The following DNAH11 variants were observed in gnomAD, a reference collection of about 807,000 sequenced individuals.
DNAH11 encodes dynein axonemal heavy chain 11, also known as axonemal beta dynein heavy chain 11.
A neutral mutation model predicts 526.0 loss-of-function variants in DNAH11; 442 were observed. That is an observed-to-expected ratio of 0.84 (90% confidence interval 0.78 to 0.91). The LOEUF (loss-of-function observed/expected upper bound fraction) is 0.91. Ranked by LOEUF, DNAH11 falls within the 40% of genes least tolerant of loss-of-function variation. The pLI, the probability that DNAH11 is intolerant of heterozygous loss-of-function variation, is 0.00. For synonymous variants in DNAH11, 2,461 were observed against 1,935.9 expected (o/e 1.27, Z -7.12); for missense variants, 6,989 against 5,448.7 (o/e 1.28, Z -8.90).
At chr7:21,636,464 G>A (rs573152736) in intron 26 of DNAH11, among the ~76,000 whole-genome samples, 112 of 152,208 alleles carry the variant, frequency 7.4e-4, no homozygotes, top group Non-Finnish European at 1.5e-3. Context: ...GCTAGGCTCG[G>A]TGGCTCACAC....
intron 61 of DNAH11, among the ~76,000 whole-genome samples, chr7:21,800,780 G>T (rs1409596442): frequency 6.6e-6 from 1 of 152,180 alleles, no homozygotes; most frequent in East Asian, 1.9e-4. Context: ...CTTTAATAAA[G>T]CTGGTTGGAG....
In DNAH11 at chr7:21,714,935, A is replaced by T. The variant is rs1042772135; in HGVS notation, c.6984-2840A>T. On this transcript the variant is annotated intron_variant, in intron 42 of 81. Transcript: ENST00000409508. ...AACTTTAGATCATACTCTTTCTTCT[A>T]TTACTTGAGCTTAAAATATTCTTCT... Among the ~76,000 whole-genome samples, 140 of 152,280 alleles carry T rather than the reference A, an allele frequency of 9.2e-4. 1 individual carries two copies. The highest frequency in any genetic ancestry group is 3.3e-3 in the African/African-American group (137 of 41,560).
chr7:21,743,527 C>A (rs6461597), intron 49 of DNAH11, among the ~76,000 whole-genome samples: 1 of 151,932 alleles, frequency 6.6e-6, no homozygotes, highest in African/African-American at 2.4e-5. Context: ...TGATGAAATA[C>A]GAAAACTCCA....
chr7:21,807,913 C>T lies in DNAH11; in HGVS notation c.10196C>T (p.Ser3399Phe), dbSNP rs1020563832. ...ATTCGCTGGGGTCAATCCATTAAGT[C>T]CTTTGAAGCTCAAGAGAAGACACTC... The part of the protein sequence containing the change: ...KKIRWGQSIK[S>F]FEAQEKTLCG... The change falls in exon 63 of 82, where the codon TCC becomes TTC. Residue 3399 changes from serine (S) to phenylalanine (F), a missense_variant. Physicochemically the swap from Ser to Phe is radical, Grantham distance 155. Transcript: ENST00000409508. The T allele has an allele frequency of 1.9e-6, 3 of 1,607,008 alleles. No homozygotes were observed. Among genetic ancestry groups the T allele is most frequent in the Non-Finnish European group, 8.5e-7 (1 of 1,174,786 alleles).
chr7:21,706,923 C>G (rs557348094), intron 39 of DNAH11, among the ~76,000 whole-genome samples: 1 of 152,340 alleles, frequency 6.6e-6, no homozygotes, highest in South Asian at 2.1e-4. Flanking sequence ...TAGACATACA[C>G]TGAGCACCTG....
At position 21,570,297 on chromosome 7, in the gene DNAH11, G is replaced by A. The variant is rs766169967; in HGVS notation, c.1423G>A (p.Glu475Lys). The change falls in exon 7 of 82, where the codon GAG becomes AAG. Residue 475 changes from glutamate to lysine, a missense_variant and splice_region_variant. Coordinates refer to ENST00000409508, the MANE Select transcript of DNAH11 (RefSeq NM_001277115.2). ...GTTTCTTGATCGTTTAATAAAAATA[G>A]AGGTATTCATTTTTTGATTTTATTT... The part of the protein sequence containing the change: ...DKFLDRLIKI[E>K]DIFATTLEFE... 9 of 1,590,220 alleles carry A rather than the reference G, an allele frequency of 5.7e-6. No homozygotes were observed. Among genetic ancestry groups the A allele is most frequent in the Non-Finnish European group, 6.8e-6 (8 of 1,171,356 alleles).
At chr7:21,555,898 AAC>A (rs1783201065) in intron 2 of DNAH11, among the ~76,000 whole-genome samples, 4 of 152,168 alleles carry the variant, frequency 2.6e-5, no homozygotes, top group Admixed American at 1.3e-4. Context: ...GTTTGTGAGA[AAC>A]ACATTTACCC....
At chr7:21,769,425 A>G (rs1468063844) in intron 55 of DNAH11, among the ~76,000 whole-genome samples, 1 of 151,886 alleles carries the variant, frequency 6.6e-6, no homozygotes, top group Non-Finnish European at 1.5e-5. Flanking sequence ...CATTCACACC[A>G]TCTCCTGTTC....
chr7:21,581,191 C>T (rs1339399016), intron 8 of DNAH11, among the ~76,000 whole-genome samples: 1 of 152,154 alleles, frequency 6.6e-6, no homozygotes, highest in African/African-American at 2.4e-5. Flanking sequence ...GACTATGAAG[C>T]ACCAAAATGT....
intron 58 of DNAH11, among the ~76,000 whole-genome samples, chr7:21,786,328 G>GTGTA (rs1338625363): frequency 1.3e-5 from 2 of 151,852 alleles, no homozygotes; most frequent in East Asian, 1.9e-4. Flanking sequence ...GTGTGTGTGT[G>GTGTA]TATCCTGGCC....
intron 40 of DNAH11, among the ~76,000 whole-genome samples, chr7:21,709,706 T>C (rs1784390997): frequency 1.3e-5 from 2 of 152,222 alleles, no homozygotes; most frequent in African/African-American, 4.8e-5. Context: ...TCTGTCTTTT[T>C]GTAAAGAACT....
rs115187065 is a variant in DNAH11 at position 21,576,487 on chromosome 7, A to G, written c.1593+4514A>G. ...TCTCTTGAAAGATGTAAACTCTGATAGAGGGTATGGATAATATGTTTGATC... is the reference window on the plus strand; with the variant it reads ...TCTCTTGAAAGATGTAAACTCTGATGGAGGGTATGGATAATATGTTTGATC... On this transcript the variant is annotated intron_variant, in intron 8 of 81. Coordinates refer to ENST00000409508, the MANE Select transcript of DNAH11 (RefSeq NM_001277115.2). Among the ~76,000 whole-genome samples the G allele has an allele frequency of 5.0e-3, 767 of 152,350 alleles. 5 individuals are homozygous for G. Among genetic ancestry groups the G allele is most frequent in the African/African-American group, 0.017 (709 of 41,578 alleles).
intron 20 of DNAH11, among the ~76,000 whole-genome samples, chr7:21,613,040 G>C (rs893948969): frequency 6.6e-6 from 1 of 152,072 alleles, no homozygotes; most frequent in Admixed American, 6.5e-5. Flanking sequence ...GATAGGGAAC[G>C]TGAAAATTTC....
At chr7:21,822,469 G>C (rs1790097383) in intron 65 of DNAH11, among the ~76,000 whole-genome samples, 1 of 152,136 alleles carries the variant, frequency 6.6e-6, no homozygotes, top group South Asian at 2.1e-4. Flanking sequence ...AACATTGATG[G>C]TCACATTTCA....
At chr7:21,848,379 T>C (rs1326842706) in intron 66 of DNAH11, among the ~76,000 whole-genome samples, 1 of 151,632 alleles carries the variant, frequency 6.6e-6, no homozygotes, top group African/African-American at 2.4e-5. Flanking sequence ...ATATTTAAAG[T>C]GGGTTTTATA....
At chr7:21,875,703 T>C (rs1783677563) in intron 74 of DNAH11, among the ~76,000 whole-genome samples, 1 of 152,036 alleles carries the variant, frequency 6.6e-6, no homozygotes, top group Non-Finnish European at 1.5e-5. Context: ...CATATAATGA[T>C]AAAGATTCAC....
intron 51 of DNAH11, among the ~76,000 whole-genome samples, chr7:21,747,009 G>T (rs1258164051): frequency 6.6e-6 from 1 of 152,166 alleles, no homozygotes; most frequent in East Asian, 1.9e-4. Context: ...CTGTTTCTTT[G>T]ATCAGGGATT....
chr7:21,684,865 T>C (rs566760952), intron 32 of DNAH11, among the ~76,000 whole-genome samples: 113 of 152,370 alleles, frequency 7.4e-4, no homozygotes, highest in Non-Finnish European at 1.0e-3. Flanking sequence ...ACCTGTTTGA[T>C]GGGAGACAGC....
chr7:21,688,948 A>T (rs1783500323), intron 34 of DNAH11, among the ~76,000 whole-genome samples: 2 of 152,220 alleles, frequency 1.3e-5, no homozygotes. Context: ...TATTTTTCTC[A>T]GCTAGCTTGT....
Sources: allele counts gnomAD v4.1 joint callset (sites outside exome capture counted in the v4.1 genomes callset), GRCh38; gene constraint gnomAD v4.1.1; transcripts MANE v1.5; gene names NCBI Gene and HGNC (gene_info 2026-07-23, HGNC 2026-07-21).